The following CMTM4 variants were observed in gnomAD, a reference collection of about 807,000 sequenced individuals.
CMTM4 encodes CKLF like MARVEL transmembrane domain containing 4.
In CMTM4, 8 loss-of-function variants were observed where a neutral mutation model predicts 19.0. The ratio of observed to expected loss-of-function variants is 0.42; its 90% CI spans 0.25 to 0.76. The LOEUF (loss-of-function observed/expected upper bound fraction) is 0.76. CMTM4 is among the 30% of genes least tolerant of loss of function. The pLI, the probability that CMTM4 is intolerant of heterozygous loss-of-function variation, is 0.27. For missense variants in CMTM4, 228 were observed against 290.2 expected (o/e 0.79, Z 1.56); for synonymous variants, 106 against 121.1 (o/e 0.88, Z 0.82).
chr16:66,615,326 A>G lies in CMTM4; in HGVS notation c.*6732T>C, dbSNP rs180866040. 1 of 152,302 alleles carries G rather than the reference A, an allele frequency of 6.6e-6. No individual in the cohort carries two copies. The highest frequency in any genetic ancestry group is 6.5e-5 in the Admixed American group (1 of 15,294). The allele number at this position is 152,302 out of a possible 1,614,324, so 9.4% of individuals were successfully genotyped here. A position where few individuals can be genotyped will look rare whatever the true frequency, so the allele number is the denominator to read the frequency against. ...TTCTGACCCTTCAGAAGGACACCAA[A>G]AGCTACAATTTTATGTTTCAATCCA... On this transcript the variant is annotated 3_prime_UTR_variant, in exon 4 of 4. Transcript: ENST00000394106. The surrounding 1 kb of genome is among the most constrained non-coding windows in gnomAD (Gnocchi z 4.9).
chr16:66,679,797 C>A (rs2016873904), intron 1 of CMTM4, among the ~76,000 whole-genome samples: 1 of 148,812 alleles, frequency 6.7e-6, no homozygotes, highest in South Asian at 2.1e-4. Context: ...GCACTCCAGC[C>A]TGGGTGACAG....
intron 1 of CMTM4, among the ~76,000 whole-genome samples, chr16:66,656,000 G>A (rs1299378146): frequency 9.2e-5 from 14 of 152,120 alleles, no homozygotes; most frequent in Non-Finnish European, 1.5e-4. Context: ...AGCTACTCAG[G>A]AGGCTGAGTT....
downstream of CMTM4, chr16:66,612,924 C>A: frequency 1.6e-6 from 1 of 626,542 alleles, no homozygotes; most frequent in Non-Finnish European, 2.9e-6. This position sits in a 1 kb window ranked among gnomAD's most constrained non-coding sequence, Gnocchi z 6.0. Flanking sequence ...CTGCCAAAAA[C>A]CAGCACAAGG....
intron 1 of CMTM4, among the ~76,000 whole-genome samples, chr16:66,681,766 C>G (rs946046750): frequency 2.0e-5 from 3 of 152,182 alleles, no homozygotes; most frequent in African/African-American, 7.2e-5. Context: ...CCCTCACCAG[C>G]CTGGGTCCCC....
Position 66,646,140 on chromosome 16 carries a change from A to C in CMTM4, c.187-9559T>G, listed in dbSNP as rs355975. Among the ~76,000 whole-genome samples, 409 of 152,244 alleles carry C rather than the reference A, an allele frequency of 2.7e-3. 2 individuals are homozygous for C. The highest frequency in any genetic ancestry group is 8.9e-3 in the African/African-American group (369 of 41,542). On this transcript the variant is annotated intron_variant, in intron 1 of 3. Coordinates refer to ENST00000394106, the MANE Select transcript of CMTM4 (RefSeq NM_181521.3). ...AGAGAAAGAACAGAGTACAGCACAC[A>C]AGGCATAAAGTGACCCCATTTTTGG...
intron 2 of CMTM4, among the ~76,000 whole-genome samples, chr16:66,634,645 G>A (rs762292499): frequency 2.6e-5 from 4 of 151,862 alleles, no homozygotes; most frequent in African/African-American, 4.8e-5. Context: ...TAACAGCAGC[G>A]TGCCAGGACA....
intron 1 of CMTM4, among the ~76,000 whole-genome samples, chr16:66,639,293 AT>A (rs1237118706): frequency 6.6e-6 from 1 of 152,202 alleles, no homozygotes; most frequent in Non-Finnish European, 1.5e-5. Flanking sequence ...TGAGTTACAA[AT>A]GTTTCTGGTA....
rs553510290 is a variant in CMTM4, at chr16:66,664,429, C to T, written c.187-27848G>A. 1.3e-4 allele frequency among the ~76,000 whole-genome samples: 19 copies of T among 151,874 alleles called. No homozygotes were observed. In the South Asian group the frequency reaches 3.9e-3, roughly 32 times the overall value. ...GGTAAACATAATATACAATTCTTCT[C>T]GAGTTATTTCAAGTATGCATGATGG... On this transcript the variant is annotated intron_variant, in intron 1 of 3. Transcript: ENST00000394106.
In CMTM4 at chr16:66,696,663, C is replaced by A; in HGVS notation, c.-138G>T. On this transcript the variant is annotated 5_prime_UTR_variant, in exon 1 of 4. Coordinates refer to ENST00000394106, the MANE Select transcript of CMTM4 (RefSeq NM_181521.3). This position sits in a 1 kb window ranked among gnomAD's most constrained non-coding sequence, Gnocchi z 4.3. ...ACTGCCCGCGGCCCGCCCGCCGCCG[C>A]CGCCTCTCGCCCGCCGCCCGGCTGC... The A allele has an allele frequency of 3.2e-6, 1 of 311,170 alleles. No homozygotes were observed. The highest frequency in any genetic ancestry group is 4.6e-6 in the Non-Finnish European group (1 of 215,660). 19.3% of individuals were successfully genotyped at this position (311,170 alleles called of 1,614,324 possible).
intron 1 of CMTM4, among the ~76,000 whole-genome samples, chr16:66,675,631 C>G (rs556310405): frequency 6.6e-6 from 1 of 152,118 alleles, no homozygotes; most frequent in East Asian, 1.9e-4. Context: ...AGGCCCCCAA[C>G]CCAAACCAAC....
chr16:66,606,790 C>T, the CMTM4 span, among the ~76,000 whole-genome samples: 1 of 152,126 alleles, frequency 6.6e-6, no homozygotes, highest in African/African-American at 2.4e-5. Context: ...GTCAGGAATT[C>T]GAGACCAGCC....
rs573780334 is a variant in CMTM4 at position 66,666,228 on chromosome 16, G to A, written c.187-29647C>T. Among the ~76,000 whole-genome samples, 53 of 152,228 alleles carry A rather than the reference G, an allele frequency of 3.5e-4. 1 individual carries two copies. The South Asian group carries it at 0.011, about 32-fold the overall frequency. On this transcript the variant is annotated intron_variant, in intron 1 of 3. Transcript: ENST00000394106. ...AGCACTTTGGGAGGCCGAGGCAGGC[G>A]GATCACAAGGTCAGGAGATCGAGAC...
intron 1 of CMTM4, among the ~76,000 whole-genome samples, chr16:66,653,699 A>G (rs894771522): frequency 6.6e-6 from 1 of 152,188 alleles, no homozygotes; most frequent in African/African-American, 2.4e-5. Context: ...TTAATTTAAA[A>G]TTCATTCCAT....
intron 1 of CMTM4, among the ~76,000 whole-genome samples, chr16:66,682,499 C>T (rs569560337): frequency 2.6e-5 from 4 of 152,198 alleles, no homozygotes; most frequent in East Asian, 1.9e-4. Flanking sequence ...GTCATCAAAT[C>T]GCAGTGGCAG....
the CMTM4 span, among the ~76,000 whole-genome samples, chr16:66,601,784 G>T: frequency 3.3e-5 from 5 of 152,248 alleles, no homozygotes; most frequent in Non-Finnish European, 7.3e-5. Flanking sequence ...TGGGAGGGCA[G>T]GTGGGGGCCT....
intron 1 of CMTM4, among the ~76,000 whole-genome samples, chr16:66,656,223 T>C (rs1163221289): frequency 6.6e-6 from 1 of 152,190 alleles, no homozygotes; most frequent in East Asian, 1.9e-4. Context: ...AACTCTTTCC[T>C]ACAGTTGAAA....
chr16:66,613,157 G>C, downstream of CMTM4: 2 of 702,762 alleles, frequency 2.8e-6, no homozygotes, highest in East Asian at 2.7e-5. Context: ...AGGAGCACCA[G>C]TTCCCTCTTC....
At chr16:66,664,394 T>TA (rs58154645) in intron 1 of CMTM4, among the ~76,000 whole-genome samples, 7,444 of 152,136 alleles carry the variant, frequency 0.049, 298 homozygotes, top group East Asian at 0.12. Flanking sequence ...ACAGAAATGG[T>TA]AAAAACCTCG....
chr16:66,624,938 A>C (rs940434344), intron 2 of CMTM4, among the ~76,000 whole-genome samples: 3 of 152,210 alleles, frequency 2.0e-5, no homozygotes, highest in African/African-American at 7.2e-5. Context: ...AATTTTTCAC[A>C]AATTCAAACC....
Sources: gnomAD v4.1 joint callset for allele counts (sites outside exome capture counted in the v4.1 genomes callset) on GRCh38, gnomAD v4.1.1 for gene constraint, Gnocchi (gnomAD v3.1) non-coding constraint, MANE v1.5 for transcripts, NCBI Gene and HGNC (gene_info 2026-07-23, HGNC 2026-07-21) for gene names.